The following SWAP70 variants were observed in gnomAD, a reference collection of about 807,000 sequenced individuals.
SWAP70 encodes switch-associated protein 70.
SWAP70 carries 34 observed loss-of-function variants against 80.2 expected under a neutral mutation model. That is an observed-to-expected ratio of 0.42 (90% CI 0.32 to 0.56). The LOEUF (loss-of-function observed/expected upper bound fraction) is 0.56. Among genes scored for constraint, SWAP70 ranks in the 20% least tolerant of loss-of-function variants. The pLI, the probability that SWAP70 is intolerant of heterozygous loss-of-function variation, is 0.09. For missense variants in SWAP70, 578 were observed against 690.7 expected, an observed-to-expected ratio of 0.84 and a Z score of 1.83; for synonymous variants, 239 against 238.5, an observed-to-expected ratio of 1.00 and a Z score of -0.02.
chr11:9,701,351 T>C (rs1850828950), intron 2 of SWAP70, among the ~76,000 whole-genome samples: 2 of 151,810 alleles, frequency 1.3e-5, no homozygotes, highest in African/African-American at 4.8e-5. Context: ...TTTGTGTTTT[T>C]AGTAGAGACG....
At chr11:9,704,613 G>T (rs541378098) in intron 2 of SWAP70, among the ~76,000 whole-genome samples, 1 of 152,080 alleles carries the variant, frequency 6.6e-6, no homozygotes, top group South Asian at 2.1e-4. Context: ...GGCTGGTCTC[G>T]GACTCCTGGC....
chr11:9,715,740 C>T (rs575334852), intron 3 of SWAP70, among the ~76,000 whole-genome samples: 8 of 152,258 alleles, frequency 5.3e-5, no homozygotes, highest in Admixed American at 5.2e-4. Context: ...GAAAGACCTG[C>T]CCCCATGATT....
intron 7 of SWAP70, among the ~76,000 whole-genome samples, chr11:9,736,106 T>A (rs1205939422): frequency 6.6e-6 from 1 of 152,152 alleles, no homozygotes; most frequent in African/African-American, 2.4e-5. Context: ...TTTAGTAGAT[T>A]TTTCTTGTAG....
chr11:9,685,861 T>C (rs1391667469), intron 1 of SWAP70, among the ~76,000 whole-genome samples: 1 of 152,130 alleles, frequency 6.6e-6, no homozygotes, highest in East Asian at 1.9e-4. Context: ...CTCGATCTCC[T>C]GATCTCGTGA....
At chr11:9,671,341 T>A (rs1238170139) in intron 1 of SWAP70, among the ~76,000 whole-genome samples, 4 of 108,608 alleles carry the variant, frequency 3.7e-5, no homozygotes, top group Admixed American at 1.2e-4. Flanking sequence ...TAAATATATT[T>A]AAAAATATAA....
At chr11:9,679,112 A>G (rs1850536581) in intron 1 of SWAP70, among the ~76,000 whole-genome samples, 1 of 152,204 alleles carries the variant, frequency 6.6e-6, no homozygotes, top group Non-Finnish European at 1.5e-5. Context: ...AATTTCATAT[A>G]AGGAGATCTT....
In SWAP70 at chr11:9,748,182, A is replaced by C. The variant is rs1014233669; in HGVS notation, c.1554+126A>C. ...AGAATCTTGCTTAGCTGTAAGAAAG[A>C]AAAAAGAGGGAGTTTTTACAGGAGA... On this transcript the variant is annotated intron_variant, in intron 10 of 11. Coordinates refer to ENST00000318950, the MANE Select transcript of SWAP70 (RefSeq NM_015055.4). The C allele has an allele frequency of 1.4e-5, 14 of 987,088 alleles. No individual in the cohort carries two copies. The Admixed American group carries it at 2.2e-4, about 16-fold the overall frequency. The allele number at this position is 987,088 out of a possible 1,614,324, so 61.1% of individuals were successfully genotyped here. A position where few individuals can be genotyped will look rare whatever the true frequency, so the allele number is the denominator to read the frequency against.
intron 2 of SWAP70, among the ~76,000 whole-genome samples, chr11:9,702,397 G>A (rs1248992712): frequency 5.6e-5 from 8 of 142,656 alleles, no homozygotes; most frequent in African/African-American, 2.1e-4. Flanking sequence ...GTTACATAGT[G>A]TGGGTTTTGT....
At chr11:9,677,363 CAT>C (rs1350483647) in intron 1 of SWAP70, among the ~76,000 whole-genome samples, 5 of 151,858 alleles carry the variant, frequency 3.3e-5, no homozygotes, top group Admixed American at 1.3e-4. Flanking sequence ...ATTATTTAAA[CAT>C]GTATATTAAA....
chr11:9,709,125 G>T (rs1850961297), intron 2 of SWAP70, among the ~76,000 whole-genome samples: 1 of 128,682 alleles, frequency 7.8e-6, no homozygotes, highest in Admixed American at 7.3e-5. Flanking sequence ...GCCCAGGTTG[G>T]ATTTTTTTTT....
intron 2 of SWAP70, among the ~76,000 whole-genome samples, chr11:9,712,774 T>G (rs186182081): frequency 1.0e-3 from 154 of 151,754 alleles, no homozygotes; most frequent in Admixed American, 4.5e-3. Flanking sequence ...GTTTCGCTCT[T>G]GTTGCCCAGG....
intron 1 of SWAP70, among the ~76,000 whole-genome samples, chr11:9,693,824 C>T (rs530188368): frequency 2.9e-4 from 44 of 151,646 alleles, no homozygotes; most frequent in Middle Eastern, 3.4e-3. Context: ...CTTAGACTTC[C>T]CCCCCCACCC....
intron 1 of SWAP70, among the ~76,000 whole-genome samples, chr11:9,666,995 C>T (rs1472312648): frequency 6.6e-6 from 1 of 151,652 alleles, no homozygotes; most frequent in Non-Finnish European, 1.5e-5. Flanking sequence ...AGTGCTGGGA[C>T]TACAGGTGCC....
chr11:9,700,186 T>C (rs11042472), intron 2 of SWAP70, among the ~76,000 whole-genome samples: 2 of 151,966 alleles, frequency 1.3e-5, no homozygotes, highest in Admixed American at 1.3e-4. Flanking sequence ...GGAGGAAATA[T>C]AGTAGTGTTT....
intron 2 of SWAP70, among the ~76,000 whole-genome samples, chr11:9,698,630 C>G (rs1369726778): frequency 6.6e-6 from 1 of 152,150 alleles, no homozygotes; most frequent in Non-Finnish European, 1.5e-5. Context: ...GTCTCCAACT[C>G]CTGACTTCAG....
intron 2 of SWAP70, among the ~76,000 whole-genome samples, chr11:9,702,207 C>G (rs1304688257): frequency 6.6e-6 from 1 of 151,922 alleles, no homozygotes. Flanking sequence ...AGTGTAGTCT[C>G]AAGTTTCTTC....
chr11:9,667,976 C>T (rs112384784), intron 1 of SWAP70, among the ~76,000 whole-genome samples: 1,607 of 152,314 alleles, frequency 0.011, 30 homozygotes, highest in African/African-American at 0.035. Flanking sequence ...GCAACCTCTG[C>T]TTCCTGGGTT....
At chr11:9,735,227 T>C (rs1851348176) in intron 7 of SWAP70, among the ~76,000 whole-genome samples, 1 of 152,248 alleles carries the variant, frequency 6.6e-6, no homozygotes, top group African/African-American at 2.4e-5. Flanking sequence ...TACATTCTTA[T>C]TTTCCCATTT....
intron 1 of SWAP70, among the ~76,000 whole-genome samples, chr11:9,683,768 C>A (rs1850597163): frequency 6.6e-6 from 1 of 152,120 alleles, no homozygotes; most frequent in Non-Finnish European, 1.5e-5. Context: ...TCACTGGGAC[C>A]CTGAAAGTAG....
Sources: gnomAD v4.1 joint callset for allele counts (sites outside exome capture counted in the v4.1 genomes callset) on GRCh38, gnomAD v4.1.1 for gene constraint, MANE v1.5 for transcripts, NCBI Gene and HGNC (gene_info 2026-07-23, HGNC 2026-07-21) for gene names.